Variants in RAB6A observed in about 807,000 individuals in gnomAD.
RAB6A encodes RAB6A, member RAS oncogene family.
In RAB6A, 8 loss-of-function variants were observed where a neutral mutation model predicts 32.3. The ratio of observed to expected loss-of-function variants is 0.25; its 90% confidence interval spans 0.15 to 0.45. The LOEUF (loss-of-function observed/expected upper bound fraction) is 0.45, where lower values mean the gene tolerates loss of function less well. Among genes scored for constraint, RAB6A ranks in the 20% least tolerant of loss-of-function variants. RAB6A has a pLI of 1.00. For missense variants in RAB6A, 104 were observed against 249.4 expected, an observed-to-expected ratio of 0.42 and a Z score of 3.93; for synonymous variants, 73 against 82.1, an observed-to-expected ratio of 0.89 and a Z score of 0.60.
intron 1 of RAB6A, among the ~76,000 whole-genome samples, chr11:73,739,263 T>TTA (rs1555066890): frequency 2.2e-3 from 21 of 9,384 alleles, no homozygotes; most frequent in South Asian, 7.4e-3. Context: ...TAATAATAAT[T>TTA]AAAAAAAAAA....
intron 1 of RAB6A, among the ~76,000 whole-genome samples, chr11:73,737,056 T>C (rs1946410315): frequency 2.0e-5 from 3 of 151,632 alleles, no homozygotes; most frequent in Non-Finnish European, 2.9e-5. Flanking sequence ...ATTTCAAATG[T>C]TTGAAATCAT....
At chr11:73,712,357 C>CT (rs368646343) in intron 5 of RAB6A, among the ~76,000 whole-genome samples, 24,668 of 144,562 alleles carry the variant, frequency 0.17, 2,366 homozygotes, top group Middle Eastern at 0.23. Flanking sequence ...CCTAGCTTTT[C>CT]CTTTTTTTTT....
chr11:73,702,854 A>ATT (rs2134909238), intron 6 of RAB6A, among the ~76,000 whole-genome samples: 2 of 151,592 alleles, frequency 1.3e-5, no homozygotes, highest in East Asian at 3.9e-4. Context: ...TTTTATATAT[A>ATT]TTATTATTTT....
At chr11:73,752,917 A>G (rs1946689777) in intron 1 of RAB6A, among the ~76,000 whole-genome samples, 1 of 152,188 alleles carries the variant, frequency 6.6e-6, no homozygotes, top group South Asian at 2.1e-4. Flanking sequence ...CAGAAGCTTA[A>G]GGAAATGAAA....
At chr11:73,750,466 G>A (rs183288545) in intron 1 of RAB6A, among the ~76,000 whole-genome samples, 4 of 151,326 alleles carry the variant, frequency 2.6e-5, no homozygotes, top group Admixed American at 6.6e-5. Flanking sequence ...AGCAATTCTC[G>A]TGCCTCAGTC....
At chr11:73,694,003 T>C (rs998274177) in intron 6 of RAB6A, among the ~76,000 whole-genome samples, 3 of 152,226 alleles carry the variant, frequency 2.0e-5, no homozygotes, top group Admixed American at 1.3e-4. Context: ...TCTTTCCCTC[T>C]AGACTAGTGG....
chr11:73,717,954 A>G (rs182398597), intron 4 of RAB6A, among the ~76,000 whole-genome samples: 70 of 152,348 alleles, frequency 4.6e-4, no homozygotes, highest in African/African-American at 1.6e-3. Context: ...CAATCACTTA[A>G]AAGGCCACAG....
chr11:73,750,139 G>C (rs1449498655), intron 1 of RAB6A, among the ~76,000 whole-genome samples: 1 of 152,176 alleles, frequency 6.6e-6, no homozygotes, highest in Non-Finnish European at 1.5e-5. Flanking sequence ...AGACAAGAGA[G>C]TTTGGATTTC....
At chr11:73,693,447 G>A (rs1196636425) in intron 6 of RAB6A, among the ~76,000 whole-genome samples, 1 of 152,018 alleles carries the variant, frequency 6.6e-6, no homozygotes, top group African/African-American at 2.4e-5. Flanking sequence ...AACAGGGCCA[G>A]ATGCAGTGGC....
chr11:73,707,115 T>C (rs1184624368), intron 6 of RAB6A, among the ~76,000 whole-genome samples: 5 of 116,662 alleles, frequency 4.3e-5, no homozygotes, highest in African/African-American at 1.3e-4. Context: ...CGAAACTCCA[T>C]CTCAAAAAAG....
At chr11:73,704,952 C>T (rs534933405) in intron 6 of RAB6A, among the ~76,000 whole-genome samples, 134 of 150,074 alleles carry the variant, frequency 8.9e-4, no homozygotes, top group Middle Eastern at 3.6e-3. Context: ...GCCGAGATCA[C>T]GCCACTGCAC....
chr11:73,757,749 T>C (rs765093618), intron 1 of RAB6A, among the ~76,000 whole-genome samples: 29 of 152,142 alleles, frequency 1.9e-4, no homozygotes, highest in Admixed American at 2.0e-4. Flanking sequence ...ATGATGTAAG[T>C]TTTAAGTGTT....
At chr11:73,702,762 A>G (rs1236960442) in intron 6 of RAB6A, among the ~76,000 whole-genome samples, 14 of 152,180 alleles carry the variant, frequency 9.2e-5, no homozygotes, top group Non-Finnish European at 1.5e-5. Flanking sequence ...TGGTCATTAT[A>G]CCTGTAAATA....
At chr11:73,704,435 A>C (rs1945799244) in intron 6 of RAB6A, among the ~76,000 whole-genome samples, 1 of 151,982 alleles carries the variant, frequency 6.6e-6, no homozygotes, top group African/African-American at 2.4e-5. Context: ...CTGTAATTCC[A>C]GCAATTTGGG....
At chr11:73,730,727 A>C (rs2037709) in intron 2 of RAB6A, 38 bp downstream of exon 2, 1,420,615 of 1,513,388 alleles carry the variant, frequency 0.94, 667,299 homozygotes, top group East Asian at 1. Context: ...ACTTGTAACA[A>C]AAAATAGACA....
chr11:73,749,531 C>T (rs1397930218), intron 1 of RAB6A, among the ~76,000 whole-genome samples: 1 of 152,130 alleles, frequency 6.6e-6, no homozygotes, highest in Admixed American at 6.6e-5. Flanking sequence ...GTACAGTATA[C>T]AACTTAATGA....
At chr11:73,689,100 A>G (rs948932942) in intron 6 of RAB6A, among the ~76,000 whole-genome samples, 1 of 150,950 alleles carries the variant, frequency 6.6e-6, no homozygotes, top group African/African-American at 2.5e-5. Context: ...CCAGCCTGGA[A>G]GACAGAGGGA....
intron 1 of RAB6A, among the ~76,000 whole-genome samples, chr11:73,733,993 A>G (rs1465839136): frequency 6.6e-6 from 1 of 152,182 alleles, no homozygotes; most frequent in Non-Finnish European, 1.5e-5. Flanking sequence ...TATATGTATC[A>G]TTCCCAATAA....
intron 1 of RAB6A, among the ~76,000 whole-genome samples, chr11:73,736,414 G>A (rs1367091067): frequency 1.6e-5 from 2 of 127,794 alleles, no homozygotes; most frequent in African/African-American, 5.8e-5. Context: ...GGGCAACAGA[G>A]AAAGACTCTG....
Sources: gnomAD v4.1 joint callset for allele counts (sites outside exome capture counted in the v4.1 genomes callset) on GRCh38, gnomAD v4.1.1 for gene constraint, MANE v1.5 for transcripts, NCBI Gene and HGNC (gene_info 2026-07-23, HGNC 2026-07-21) for gene names.